The following GALNT13 variants were observed in gnomAD, a reference collection of about 807,000 sequenced individuals.
The protein encoded by GALNT13 is polypeptide N-acetylgalactosaminyltransferase 13.
Under a neutral mutation model 64.2 loss-of-function variants are expected in GALNT13, and 28 were observed. The observed-to-expected ratio is 0.44, with a 90% CI of 0.32 to 0.60. The LOEUF is 0.60. GALNT13 is among the 20% of genes least tolerant of loss of function. The probability of loss-of-function intolerance (pLI) is 0.05; values close to 1 mark genes in which losing one functional copy is unlikely to be tolerated. For missense variants in GALNT13, 577 were observed against 669.8 expected, an observed-to-expected ratio of 0.86 and a Z score of 1.53; for synonymous variants, 214 against 224.6, an observed-to-expected ratio of 0.95 and a Z score of 0.42.
the GALNT13 span, among the ~76,000 whole-genome samples, chr2:153,153,801 GC>G: frequency 2.6e-5 from 4 of 151,552 alleles, no homozygotes; most frequent in African/African-American, 9.7e-5. Context: ...GGTTACTGTA[GC>G]CCTGTAGTAT....
At chr2:153,297,235 T>TC in the GALNT13 span, among the ~76,000 whole-genome samples, 1 of 152,226 alleles carries the variant, frequency 6.6e-6, no homozygotes, top group Non-Finnish European at 1.5e-5. Context: ...CTGCTTTTTT[T>TC]CTTTTCTCAG....
the GALNT13 span, among the ~76,000 whole-genome samples, chr2:153,399,690 T>A: frequency 6.6e-6 from 1 of 152,018 alleles, no homozygotes; most frequent in African/African-American, 2.4e-5. Context: ...GAAGCAATTG[T>A]GAATGGGAGT....
chr2:153,218,149 A>G, the GALNT13 span, among the ~76,000 whole-genome samples: 1 of 152,172 alleles, frequency 6.6e-6, no homozygotes, highest in Admixed American at 6.5e-5. Context: ...AGTCTTCCCT[A>G]TCAGCTTTGT....
chr2:153,135,874 A>G, the GALNT13 span, among the ~76,000 whole-genome samples: 1 of 152,100 alleles, frequency 6.6e-6, no homozygotes, highest in Non-Finnish European at 1.5e-5. Context: ...ATTAATTTTT[A>G]TATATGATTC....
chr2:153,073,217 A>AT, the GALNT13 span, among the ~76,000 whole-genome samples: 1 of 152,214 alleles, frequency 6.6e-6, no homozygotes, highest in African/African-American at 2.4e-5. Context: ...ATGTCAGTAA[A>AT]TTTTCAGGTT....
intron 3 of GALNT13, among the ~76,000 whole-genome samples, chr2:154,045,693 T>C (rs1166369460): frequency 6.6e-6 from 1 of 152,192 alleles, no homozygotes; most frequent in Non-Finnish European, 1.5e-5. Context: ...TAGAGAAAAA[T>C]ACTGCCTTAG....
intron 9 of GALNT13, among the ~76,000 whole-genome samples, chr2:154,395,001 AT>A (rs1698990785): frequency 6.6e-6 from 1 of 152,172 alleles, no homozygotes; most frequent in African/African-American, 2.4e-5. Flanking sequence ...AGACATTTAG[AT>A]TGTCTAAACA....
chr2:153,439,411 C>G, the GALNT13 span, among the ~76,000 whole-genome samples: 19 of 152,154 alleles, frequency 1.2e-4, no homozygotes, highest in Admixed American at 3.3e-4. Context: ...TGCCCTGCCC[C>G]CAGAGGTGGA....
At chr2:153,165,428 G>T in the GALNT13 span, among the ~76,000 whole-genome samples, 1 of 152,070 alleles carries the variant, frequency 6.6e-6, no homozygotes. Context: ...ACCATAAACT[G>T]CTACAAACAG....
chr2:153,094,221 C>T, the GALNT13 span, among the ~76,000 whole-genome samples: 2 of 151,802 alleles, frequency 1.3e-5, no homozygotes, highest in Non-Finnish European at 2.9e-5. Context: ...CCTTAAGATG[C>T]ATTGTTGGAT....
chr2:154,446,934 C>T (rs1287676925), intron 12 of GALNT13, among the ~76,000 whole-genome samples: 1 of 151,752 alleles, frequency 6.6e-6, no homozygotes, highest in Non-Finnish European at 1.5e-5. Flanking sequence ...TTGGGGACTG[C>T]ATATATTAAG....
chr2:154,122,554 G>A (rs1200797157), intron 3 of GALNT13, among the ~76,000 whole-genome samples: 1 of 151,864 alleles, frequency 6.6e-6, no homozygotes, highest in East Asian at 1.9e-4. Flanking sequence ...TACTGGGCCT[G>A]GTGCTTTCTT....
chr2:154,133,282 G>A (rs1488361398), intron 3 of GALNT13, among the ~76,000 whole-genome samples: 1 of 151,606 alleles, frequency 6.6e-6, no homozygotes, highest in Non-Finnish European at 1.5e-5. Flanking sequence ...AGTTACTATT[G>A]GGGCATTGAA....
At chr2:154,398,996 A>G (rs764344908) in intron 10 of GALNT13, among the ~76,000 whole-genome samples, 2 of 152,238 alleles carry the variant, frequency 1.3e-5, no homozygotes, top group Admixed American at 6.5e-5. Flanking sequence ...TCACACAGCT[A>G]GTTAACTATT....
At chr2:153,350,327 G>A in the GALNT13 span, among the ~76,000 whole-genome samples, 1 of 151,560 alleles carries the variant, frequency 6.6e-6, no homozygotes, top group Non-Finnish European at 1.5e-5. Flanking sequence ...ACTTTTTATA[G>A]CTGCATGCAT....
chr2:153,159,520 A>G, the GALNT13 span: 1 of 152,504 alleles, frequency 6.6e-6, no homozygotes, highest in South Asian at 2.1e-4. Flanking sequence ...ATAAGGAGGT[A>G]AAGAATCACC....
At chr2:153,594,770 C>A in the GALNT13 span, among the ~76,000 whole-genome samples, 31 of 152,080 alleles carry the variant, frequency 2.0e-4, no homozygotes, top group Admixed American at 7.9e-4. Context: ...AATAGTTTTA[C>A]AAGTTAAAAG....
At chr2:154,267,169 A>G (rs1691056895) in intron 8 of GALNT13, among the ~76,000 whole-genome samples, 1 of 152,146 alleles carries the variant, frequency 6.6e-6, no homozygotes, top group East Asian at 1.9e-4. Flanking sequence ...ACTCCAATCC[A>G]TAACTTATAC....
chr2:154,342,842 G>C (rs1242257366), intron 9 of GALNT13, among the ~76,000 whole-genome samples: 1 of 151,852 alleles, frequency 6.6e-6, no homozygotes. Flanking sequence ...GTGTGTGTGT[G>C]TGTGTGCGAG....
Sources: gnomAD v4.1 joint callset for allele counts (sites outside exome capture counted in the v4.1 genomes callset) on GRCh38, gnomAD v4.1.1 for gene constraint, MANE v1.5 for transcripts, NCBI Gene and HGNC (gene_info 2026-07-23, HGNC 2026-07-21) for gene names.